The following TCTA variants were observed in gnomAD, a reference collection of about 807,000 sequenced individuals.
The protein encoded by TCTA is T-cell leukemia translocation-altered gene protein.
TCTA carries 13 observed loss-of-function variants against 13.5 expected under a neutral mutation model. The ratio of observed to expected loss-of-function variants is 0.96; its 90% CI spans 0.63 to 1.53. The LOEUF (loss-of-function observed/expected upper bound fraction) is 1.53. Among genes scored for constraint, TCTA ranks in the 40% most tolerant of loss-of-function variants. The pLI is 0.00. For synonymous variants in TCTA, 58 were observed against 59.0 expected (o/e 0.98, Z 0.08); for missense variants, 138 against 131.3 (o/e 1.05, Z -0.25).
rs539291506 is a variant in TCTA at position 49,412,806 on chromosome 3, C to G, written c.214+166C>G. ...CTGACCTCGGAAGCTAAGCCAGGTA[C>G]TTGGATGGGAGAACTTAACGTTGTG... On this transcript the variant is annotated intron_variant, in intron 1 of 2. Coordinates refer to ENST00000273590, the MANE Select transcript of TCTA (RefSeq NM_022171.3). 4 of 872,300 alleles carry G rather than the reference C, an allele frequency of 4.6e-6. No individual in the cohort carries two copies. The African/African-American group carries it at 6.7e-5, about 15-fold the overall frequency. The allele number at this position is 872,300 out of a possible 1,614,324, so 54.0% of individuals were successfully genotyped here.
Position 49,415,709 on chromosome 3 carries a change from A to G in TCTA, c.*847A>G, listed in dbSNP as rs1472160502. The G allele has an allele frequency of 2.0e-5, 3 of 152,196 alleles. No individual in the cohort carries two copies. Among genetic ancestry groups the G allele is most frequent in the African/African-American group, 7.2e-5 (3 of 41,424 alleles). 9.4% of individuals were successfully genotyped at this position (152,196 alleles called of 1,614,324 possible). ...TTAGCTGGCCATTCAGGTATAAGGC[A>G]GGGTGGTGTACCTGCTGGCACTATC... On this transcript the variant is annotated 3_prime_UTR_variant, in exon 3 of 3. Transcript: ENST00000273590.
intron 2 of TCTA, among the ~76,000 whole-genome samples, chr3:49,414,108 G>T (rs1320054123): frequency 2.0e-5 from 3 of 151,966 alleles, no homozygotes; most frequent in Non-Finnish European, 4.4e-5. Context: ...GGGCATGGTG[G>T]CATACGCCTG....
chr3:49,413,354 A>G, intron 2 of TCTA: 2 of 549,352 alleles, frequency 3.6e-6, no homozygotes, highest in Non-Finnish European at 6.5e-6. Context: ...TTTCAGAGAG[A>G]TGAAATGACA....
chr3:49,412,471 C>T lies in TCTA; in HGVS notation c.45C>T (p.Ala15=). 6.2e-7 allele frequency: 1 copy of T among 1,613,606 alleles called. No individual in the cohort carries two copies. Among genetic ancestry groups the T allele is most frequent in the Non-Finnish European group, 8.5e-7 (1 of 1,179,924 alleles). ...WSGQALQALP[A]TVLGALGSEF... is the part of the protein sequence containing the mutation. ...GGCAGGCCTTGCAGGCTCTGCCGGC[C>T]ACGGTGCTGGGCGCGCTGGGCAGCG... The change falls in exon 1 of 3, where the codon GCC becomes GCT. Residue 15 remains alanine, a synonymous_variant. Transcript: ENST00000273590.
chr3:49,413,199 T>C, intron 2 of TCTA, 89 bp downstream of exon 2: 1 of 1,468,386 alleles, frequency 6.8e-7, no homozygotes, highest in Middle Eastern at 1.7e-4. Context: ...TCTCAGGCTT[T>C]AAGCCCACCA....
chr3:49,412,902 C>A (rs1392529772), intron 1 of TCTA, 154 bp from the exon 2 acceptor site: 1 of 786,512 alleles, frequency 1.3e-6, no homozygotes, highest in Non-Finnish European at 2.1e-6. Flanking sequence ...TGTATCTGTT[C>A]CTCAGAACTC....
chr3:49,414,832 A>G lies in TCTA; in HGVS notation c.282A>G (p.Ala94=), dbSNP rs1317940182. ...CCATCACTTTCAGGGAAATGGCAGC[A>G]AACGAACCTCTCAAAACCCACAGAG... is the stretch of plus-strand genomic sequence containing the variant. The part of the protein sequence containing the change: ...STHFPSWEMA[A]NEPLKTHRE Residue 94 remains alanine (A), a synonymous_variant, in exon 3 of 3, where the codon GCA becomes GCG. Coordinates refer to ENST00000273590, the MANE Select transcript of TCTA (RefSeq NM_022171.3). The G allele has an allele frequency of 2.5e-6, 4 of 1,613,950 alleles. No homozygotes were observed. In the Admixed American group the frequency reaches 6.7e-5, roughly 27 times the overall value.
Position 49,413,087 on chromosome 3 carries a change from T to C in TCTA, c.246T>C (p.Asp82=), listed in dbSNP as rs767425738. 2 of 1,614,224 alleles carry C rather than the reference T, an allele frequency of 1.2e-6. No individual in the cohort carries two copies. Among genetic ancestry groups the C allele is most frequent in the South Asian group, 1.1e-5 (1 of 91,088 alleles). The change falls in exon 2 of 3, where the codon GAT becomes GAC. Residue 82 remains aspartate (D), a synonymous_variant. Transcript: ENST00000273590. ...GLGGQNGSTP[D]GSTHFPSWEM... is the part of the protein sequence containing the mutation. ...GTGGTCAGAATGGATCCACGCCTGA[T>C]GGCTCCACGCATTTCCCTTCGTGGT...
At chr3:49,413,351 G>A in intron 2 of TCTA, 1 of 553,168 alleles carries the variant, frequency 1.8e-6, no homozygotes, top group Non-Finnish European at 3.2e-6. Context: ...TAATTTCAGA[G>A]AGATGAAATG....
chr3:49,414,343 G>A (rs1462347311), intron 2 of TCTA, among the ~76,000 whole-genome samples: 1 of 151,940 alleles, frequency 6.6e-6, no homozygotes, highest in African/African-American at 2.4e-5. Flanking sequence ...AGACCAGCCT[G>A]GCCAACATGG....
chr3:49,412,557 T>G lies in TCTA; in HGVS notation c.131T>G (p.Leu44Arg). The change falls in exon 1 of 3, where the codon CTG becomes CGG. Residue 44 changes from leucine (L) to arginine (R), a missense_variant. Transcript: ENST00000273590. ...MRVTLFKLLL[L>R]WLVLSLLGIQ... ...GTGACCCTCTTCAAGCTGCTGCTGCTGTGGTTGGTGTTAAGTCTCCTGGGC... is the reference window on the plus strand; with the variant it reads ...GTGACCCTCTTCAAGCTGCTGCTGCGGTGGTTGGTGTTAAGTCTCCTGGGC... 1 of 1,614,230 alleles carries G rather than the reference T, an allele frequency of 6.2e-7. No individual in the cohort carries two copies. Among genetic ancestry groups the G allele is most frequent in the Non-Finnish European group, 8.5e-7 (1 of 1,180,032 alleles).
At chr3:49,413,762 G>A (rs1055260414) in intron 2 of TCTA, among the ~76,000 whole-genome samples, 9 of 152,242 alleles carry the variant, frequency 5.9e-5, no homozygotes, top group Non-Finnish European at 2.9e-5. Flanking sequence ...GAATAGGTAA[G>A]ACTGTGATGC....
In TCTA at chr3:49,416,222, T is replaced by C; in HGVS notation, c.*1360T>C. 1 of 160,764 alleles carries C rather than the reference T, an allele frequency of 6.2e-6. No homozygotes were observed. Among genetic ancestry groups the C allele is most frequent in the Non-Finnish European group, 1.4e-5 (1 of 72,424 alleles). The allele number at this position is 160,764 out of a possible 1,614,324, so 10.0% of individuals were successfully genotyped here. On this transcript the variant is annotated 3_prime_UTR_variant, in exon 3 of 3. Coordinates refer to ENST00000273590, the MANE Select transcript of TCTA (RefSeq NM_022171.3). The stretch of plus-strand genomic sequence containing the variant: ...TGCCTCCTTCCCTCGGGGCCATACT[T>C]CTGTTTCCATCTGCTGGGCCACCAG...
intron 1 of TCTA, 177 bp from the exon 2 acceptor site, chr3:49,412,879 C>A: frequency 1.4e-6 from 1 of 726,612 alleles, no homozygotes; most frequent in Non-Finnish European, 2.3e-6. Flanking sequence ...CCCCACCAGT[C>A]CACCCATCAC....
chr3:49,412,871 C>T, intron 1 of TCTA, 185 bp from the exon 2 acceptor site: 1 of 722,606 alleles, frequency 1.4e-6, no homozygotes, highest in Non-Finnish European at 2.3e-6. Context: ...GCCAGAATCC[C>T]CACCAGTCCA....
At chr3:49,413,026 C>G in intron 1 of TCTA, 30 bp from the exon 2 acceptor site, 3 of 1,613,140 alleles carry the variant, frequency 1.9e-6, no homozygotes, top group Non-Finnish European at 2.5e-6. Context: ...CCCCAGCCTT[C>G]TGCAGCTCTG....
rs563860841 is a variant in TCTA, at chr3:49,413,088, G to A, written c.247G>A (p.Gly83Ser). The A allele has an allele frequency of 8.4e-5, 135 of 1,614,192 alleles. 1 individual carries two copies. The Admixed American group carries it at 2.1e-3, about 25-fold the overall frequency. Reference sequence around the variant, plus strand: ...TGGTCAGAATGGATCCACGCCTGATGGCTCCACGCATTTCCCTTCGTGGTG... The same window carrying A: ...TGGTCAGAATGGATCCACGCCTGATAGCTCCACGCATTTCCCTTCGTGGTG... Reference protein sequence around the residue: ...LGGQNGSTPDGSTHFPSWEMA... With the variant: ...LGGQNGSTPDSSTHFPSWEMA... Residue 83 changes from glycine (G) to serine (S), a missense_variant, in exon 2 of 3, where the codon GGC (glycine) becomes AGC (serine). By Grantham distance (56) the Gly-to-Ser change is moderately conservative (BLOSUM62 0). Coordinates refer to ENST00000273590, the MANE Select transcript of TCTA (RefSeq NM_022171.3).
In TCTA at chr3:49,415,963, T is replaced by C. The variant is rs2048996542; in HGVS notation, c.*1101T>C. The C allele has an allele frequency of 6.6e-6, 1 of 152,286 alleles. No homozygotes were observed. The highest frequency in any genetic ancestry group is 1.5e-5 in the Non-Finnish European group (1 of 68,132). The allele number at this position is 152,286 out of a possible 1,614,324, so 9.4% of individuals were successfully genotyped here. A position where few individuals can be genotyped will look rare whatever the true frequency, so the allele number is the denominator to read the frequency against. ...TGCACCTTGTCCCCTCATAGGATGGTACCAAGCATTTAGTGCACAGTGGCC... is the reference window on the plus strand; with the variant it reads ...TGCACCTTGTCCCCTCATAGGATGGCACCAAGCATTTAGTGCACAGTGGCC... On this transcript the variant is annotated 3_prime_UTR_variant, in exon 3 of 3. Coordinates refer to ENST00000273590, the MANE Select transcript of TCTA (RefSeq NM_022171.3).
intron 1 of TCTA, 163 bp from the exon 2 acceptor site, chr3:49,412,893 G>C (rs1281053656): frequency 2.6e-6 from 2 of 760,536 alleles, no homozygotes; most frequent in East Asian, 2.7e-5. Context: ...CCATCACATT[G>C]TATCTGTTCC....
Sources: gnomAD v4.1 joint callset for allele counts (sites outside exome capture counted in the v4.1 genomes callset) on GRCh38, gnomAD v4.1.1 for gene constraint, MANE v1.5 for transcripts, NCBI Gene and HGNC (gene_info 2026-07-23, HGNC 2026-07-21) for gene names.